Variants in KCNT2 observed in about 807,000 individuals in gnomAD.
KCNT2 encodes the protein potassium channel subfamily T member 2.
Under a neutral mutation model 153.8 loss-of-function variants are expected in KCNT2, and 67 were observed. The ratio of observed to expected loss-of-function variants is 0.44; its 90% CI spans 0.36 to 0.53. The LOEUF is 0.53. Ranked by LOEUF, KCNT2 falls within the 20% of genes least tolerant of loss-of-function variation. The probability of loss-of-function intolerance (pLI) is 0.00; values close to 1 mark genes in which losing one functional copy is unlikely to be tolerated. For synonymous variants in KCNT2, 500 were observed against 458.8 expected (o/e 1.09, Z -1.15); for missense variants, 975 against 1,354.8 (o/e 0.72, Z 4.40).
At chr1:196,476,041 A>G (rs1678503976) in intron 5 of KCNT2, among the ~76,000 whole-genome samples, 3 of 152,232 alleles carry the variant, frequency 2.0e-5, no homozygotes, top group African/African-American at 7.2e-5. Flanking sequence ...ATATGATTGC[A>G]ATAAAAATTA....
Position 196,236,042 on chromosome 1 carries a change from G to A in KCNT2, c.3240C>T (p.Leu1080=). The A allele has an allele frequency of 6.2e-7, 1 of 1,601,462 alleles. No homozygotes were observed. The highest frequency in any genetic ancestry group is 8.6e-7 in the Non-Finnish European group (1 of 1,169,530). The change falls in exon 27 of 28, where the codon CTC becomes CTT. Residue 1080 remains leucine (L), a synonymous_variant. Coordinates refer to ENST00000294725, the MANE Select transcript of KCNT2 (RefSeq NM_198503.5). ...GAGATGGGTTAATCAGGATGTAGGA[G>A]AGGGTACTTTGATGATCATTCATTT... ...YDEMNDHQST[L]SYILINPSPD...
At chr1:196,455,207 C>T (rs1013010568) in intron 8 of KCNT2, among the ~76,000 whole-genome samples, 3 of 151,944 alleles carry the variant, frequency 2.0e-5, no homozygotes, top group African/African-American at 7.2e-5. Context: ...GACTAGGTCA[C>T]CTGGATAACC....
chr1:196,532,221 A>G (rs1287849200), intron 1 of KCNT2, among the ~76,000 whole-genome samples: 1 of 152,106 alleles, frequency 6.6e-6, no homozygotes, highest in Non-Finnish European at 1.5e-5. Flanking sequence ...ATAACAGTAC[A>G]TGCTGCCAGG....
intron 1 of KCNT2, among the ~76,000 whole-genome samples, chr1:196,600,345 T>C (rs1558124587): frequency 1.3e-5 from 2 of 152,202 alleles, no homozygotes; most frequent in Non-Finnish European, 2.9e-5. Flanking sequence ...CAAATACACA[T>C]AAACAAAGCT....
intron 12 of KCNT2, among the ~76,000 whole-genome samples, chr1:196,414,975 T>G (rs190614412): frequency 8.6e-5 from 13 of 152,030 alleles, no homozygotes; most frequent in Admixed American, 2.0e-4. Flanking sequence ...ACAGTTCATT[T>G]TCTTCCAAAT....
chr1:196,566,439 G>A (rs1660125071), intron 1 of KCNT2, among the ~76,000 whole-genome samples: 1 of 152,058 alleles, frequency 6.6e-6, no homozygotes, highest in African/African-American at 2.4e-5. Context: ...GTTTCAATAA[G>A]AAATGACATA....
At chr1:196,465,265 A>G (rs1443498216) in intron 8 of KCNT2, 28 bp downstream of exon 8, 3 of 1,150,624 alleles carry the variant, frequency 2.6e-6, no homozygotes, top group Admixed American at 4.1e-5. Flanking sequence ...ATGAAACATA[A>G]CACAAATTCT....
intron 1 of KCNT2, among the ~76,000 whole-genome samples, chr1:196,505,997 G>T (rs1171242050): frequency 6.6e-6 from 1 of 152,076 alleles, no homozygotes; most frequent in African/African-American, 2.4e-5. Context: ...AGACAATGGG[G>T]TTTTCTAGAT....
intron 13 of KCNT2, among the ~76,000 whole-genome samples, chr1:196,394,431 G>A (rs17698313): frequency 0.01 from 1,553 of 151,666 alleles, 15 homozygotes; most frequent in Non-Finnish European, 0.015. Context: ...ATGCAGAGAA[G>A]GAAAGCATGA....
chr1:196,364,357 A>T (rs1667871266), intron 14 of KCNT2, among the ~76,000 whole-genome samples: 1 of 152,148 alleles, frequency 6.6e-6, no homozygotes. Flanking sequence ...TTTATTTTTC[A>T]GGAAAGGTAT....
At chr1:196,478,548 C>T (rs1678736319) in intron 5 of KCNT2, among the ~76,000 whole-genome samples, 1 of 152,100 alleles carries the variant, frequency 6.6e-6, no homozygotes, top group Non-Finnish European at 1.5e-5. Context: ...ATTGAAATCA[C>T]TATGGTTCAA....
Position 196,428,134 on chromosome 1 carries a change from T to C in KCNT2, c.955A>G (p.Asn319Asp). ...AGCCTAGGATGAGCATAGAATTCATTTAAAAAATCCATAAGTAAATCAATC... is the reference window on the plus strand; with the variant it reads ...AGCCTAGGATGAGCATAGAATTCATCTAAAAAATCCATAAGTAAATCAATC... ...LKIDLLMDFLNEFYAHPRLQD... is the reference protein window; with the variant it reads ...LKIDLLMDFLDEFYAHPRLQD... The change falls in exon 10 of 28, where the codon AAT becomes GAT. Residue 319 changes from asparagine to aspartate, a missense_variant. Physicochemically the swap from Asn to Asp is conservative, Grantham distance 23. Transcript: ENST00000294725. The C allele has an allele frequency of 6.2e-7, 1 of 1,612,594 alleles. No homozygotes were observed. The highest frequency in any genetic ancestry group is 1.1e-5 in the South Asian group (1 of 91,028).
chr1:196,342,773 A>C (rs1665792787), intron 14 of KCNT2, among the ~76,000 whole-genome samples: 1 of 152,030 alleles, frequency 6.6e-6, no homozygotes, highest in Admixed American at 6.6e-5. Context: ...TCGTAGCAAT[A>C]ACTTTCTTCC....
Position 196,253,503 on chromosome 1 carries a change from G to A in KCNT2, c.3211+4691C>T, listed in dbSNP as rs76411890. On this transcript the variant is annotated intron_variant, in intron 26 of 27. Coordinates refer to ENST00000294725, the MANE Select transcript of KCNT2 (RefSeq NM_198503.5). ...AACTATTTTAAGATCTGTGTTTTCC[G>A]AATCTGTTTCTGTTGATTTATTTTT... Among the ~76,000 whole-genome samples, 687 of 151,336 alleles carry A rather than the reference G, an allele frequency of 4.5e-3. 16 individuals are homozygous for A. Among genetic ancestry groups the A allele is most frequent in the East Asian group, 0.034 (177 of 5,172 alleles).
At chr1:196,456,634 T>G (rs1181742323) in intron 8 of KCNT2, among the ~76,000 whole-genome samples, 1 of 151,948 alleles carries the variant, frequency 6.6e-6, no homozygotes, top group East Asian at 1.9e-4. Context: ...AGTAAAGTAA[T>G]AGATGCAATT....
chr1:196,370,428 A>G (rs959106401), intron 14 of KCNT2, among the ~76,000 whole-genome samples: 4 of 152,078 alleles, frequency 2.6e-5, no homozygotes, highest in Non-Finnish European at 4.4e-5. Context: ...CATAATAACA[A>G]ATAGAAAAAG....
chr1:196,534,683 A>G (rs1655337246), intron 1 of KCNT2, among the ~76,000 whole-genome samples: 1 of 152,184 alleles, frequency 6.6e-6, no homozygotes, highest in African/African-American at 2.4e-5. Flanking sequence ...GGTAAAACCA[A>G]GAAATAAAGT....
intron 17 of KCNT2, among the ~76,000 whole-genome samples, chr1:196,333,075 C>A (rs940785358): frequency 2.0e-5 from 3 of 151,676 alleles, no homozygotes; most frequent in Non-Finnish European, 4.4e-5. Context: ...CAAGTGTGAG[C>A]CACTGTGCCC....
intron 12 of KCNT2, among the ~76,000 whole-genome samples, chr1:196,410,164 T>A (rs888398782): frequency 6.6e-6 from 1 of 151,774 alleles, no homozygotes; most frequent in Admixed American, 6.6e-5. Flanking sequence ...CGTGTGTGTG[T>A]GTGTTTGGTT....
Sources: gnomAD v4.1 joint callset for allele counts (sites outside exome capture counted in the v4.1 genomes callset) on GRCh38, gnomAD v4.1.1 for gene constraint, MANE v1.5 for transcripts, NCBI Gene and HGNC (gene_info 2026-07-23, HGNC 2026-07-21) for gene names.